The following NRG3 variants were observed in gnomAD, a reference collection of about 807,000 sequenced individuals.
The protein encoded by NRG3 is neuregulin 3, also known as pro-neuregulin-3, membrane-bound isoform.
Under a neutral mutation model 66.9 loss-of-function variants are expected in NRG3, and 31 were observed. That is an observed-to-expected ratio of 0.46 (90% CI 0.35 to 0.63). The LOEUF is 0.63. NRG3 is among the 20% of genes least tolerant of loss of function. NRG3 has a pLI of 0.00. For synonymous variants in NRG3, 393 were observed against 359.4 expected (o/e 1.09, Z -1.06); for missense variants, 910 against 878.9 (o/e 1.04, Z -0.45).
At chr10:82,471,085 G>T (rs539009298) in intron 2 of NRG3, among the ~76,000 whole-genome samples, 3 of 152,080 alleles carry the variant, frequency 2.0e-5, no homozygotes, top group Non-Finnish European at 4.4e-5. Context: ...AGCTAAAAAC[G>T]GGATCCTTGT....
intron 2 of NRG3, among the ~76,000 whole-genome samples, chr10:82,362,351 G>GTGTGTGTGTT (rs1427936153): frequency 5.4e-5 from 8 of 147,508 alleles, no homozygotes; most frequent in African/African-American, 2.0e-4. Context: ...GTGTGTGTGT[G>GTGTGTGTGTT]TGTGTGTGTG....
At chr10:81,957,755 A>T (rs1849979461) in intron 1 of NRG3, among the ~76,000 whole-genome samples, 1 of 152,232 alleles carries the variant, frequency 6.6e-6, no homozygotes, top group African/African-American at 2.4e-5. Context: ...CCACTTGATA[A>T]ATGATTCAAC....
chr10:81,947,387 G>A (rs1030024075), intron 1 of NRG3, among the ~76,000 whole-genome samples: 2 of 152,074 alleles, frequency 1.3e-5, no homozygotes, highest in Non-Finnish European at 2.9e-5. Flanking sequence ...TCTTTTTGGA[G>A]GTACACAATT....
intron 2 of NRG3, among the ~76,000 whole-genome samples, chr10:82,662,284 G>C (rs534070735): frequency 6.6e-6 from 1 of 151,910 alleles, no homozygotes; most frequent in South Asian, 2.1e-4. Context: ...GCTTTGGACT[G>C]TTTGTCCACC....
chr10:82,319,453 T>C (rs937358823), intron 1 of NRG3, among the ~76,000 whole-genome samples: 3 of 152,248 alleles, frequency 2.0e-5, no homozygotes, highest in African/African-American at 7.2e-5. Flanking sequence ...CCTAGAGGCA[T>C]GCAATTTGCA....
intron 1 of NRG3, among the ~76,000 whole-genome samples, chr10:82,081,756 C>T (rs889155080): frequency 1.3e-5 from 2 of 152,120 alleles, no homozygotes; most frequent in Non-Finnish European, 2.9e-5. Flanking sequence ...GCAGTGGGGC[C>T]ATTTCTCCGC....
At chr10:81,958,580 G>T (rs963226182) in intron 1 of NRG3, among the ~76,000 whole-genome samples, 1 of 152,122 alleles carries the variant, frequency 6.6e-6, no homozygotes, top group African/African-American at 2.4e-5. Context: ...ACTCATATGC[G>T]TAAAGTACAG....
At chr10:82,469,382 A>G (rs1841010542) in intron 2 of NRG3, among the ~76,000 whole-genome samples, 1 of 152,174 alleles carries the variant, frequency 6.6e-6, no homozygotes, top group Non-Finnish European at 1.5e-5. Flanking sequence ...GTAGAAAGTT[A>G]AAGAAGGACC....
chr10:82,774,037 G>A (rs2059809108), intron 3 of NRG3, among the ~76,000 whole-genome samples: 1 of 152,130 alleles, frequency 6.6e-6, no homozygotes, highest in Admixed American at 6.6e-5. Context: ...GGCTTTGCAT[G>A]CCAGGGATAT....
chr10:82,277,843 G>A (rs1031137983), intron 1 of NRG3, among the ~76,000 whole-genome samples: 29 of 152,062 alleles, frequency 1.9e-4, no homozygotes, highest in African/African-American at 7.0e-4. Context: ...CAGAATTCCA[G>A]GAAGTGGCAT....
intron 1 of NRG3, among the ~76,000 whole-genome samples, chr10:81,949,583 C>T (rs1288851585): frequency 6.6e-6 from 1 of 152,024 alleles, no homozygotes; most frequent in South Asian, 2.1e-4. Flanking sequence ...TTGTATCTGG[C>T]AAATGGGTAA....
intron 2 of NRG3, among the ~76,000 whole-genome samples, chr10:82,434,279 G>A (rs1376568453): frequency 6.6e-6 from 1 of 152,066 alleles, no homozygotes; most frequent in Non-Finnish European, 1.5e-5. Flanking sequence ...GAATGCTTGT[G>A]ATTTTTGCAC....
intron 1 of NRG3, among the ~76,000 whole-genome samples, chr10:82,351,900 C>T (rs2083457638): frequency 6.6e-6 from 1 of 152,202 alleles, no homozygotes; most frequent in African/African-American, 2.4e-5. Flanking sequence ...TACCGTCCTC[C>T]AGCATATTGG....
rs571834614 is a variant in NRG3, at chr10:82,085,958, G to A, written c.823+209795G>A. Among the ~76,000 whole-genome samples, 49 of 152,108 alleles carry A rather than the reference G, an allele frequency of 3.2e-4. No homozygotes were observed. In the East Asian group the frequency reaches 7.6e-3, roughly 23 times the overall value. Reference sequence around the variant, plus strand: ...TGACCATCCCATTTACCTCTTAGGGGTCCCACCTCTTAGCACTGTTGCACT... The same window carrying A: ...TGACCATCCCATTTACCTCTTAGGGATCCCACCTCTTAGCACTGTTGCACT... On this transcript the variant is annotated intron_variant, in intron 1 of 8. Coordinates refer to ENST00000372141, the MANE Select transcript of NRG3 (RefSeq NM_001010848.4).
chr10:82,476,508 G>A (rs780460103), intron 2 of NRG3, among the ~76,000 whole-genome samples: 111 of 152,140 alleles, frequency 7.3e-4, no homozygotes, highest in Non-Finnish European at 1.3e-3. Context: ...ATACACAATG[G>A]AATATTGTTC....
chr10:82,710,222 A>G (rs1287196193), intron 2 of NRG3, among the ~76,000 whole-genome samples: 1 of 152,194 alleles, frequency 6.6e-6, no homozygotes, highest in Non-Finnish European at 1.5e-5. Context: ...CACACTAATC[A>G]TTGTTTTATA....
chr10:81,909,994 A>G (rs1054397672), intron 1 of NRG3, among the ~76,000 whole-genome samples: 1 of 152,154 alleles, frequency 6.6e-6, no homozygotes, highest in Non-Finnish European at 1.5e-5. Flanking sequence ...ATATTGAAGG[A>G]ATGATTTTGC....
intron 1 of NRG3, among the ~76,000 whole-genome samples, chr10:82,256,173 C>T (rs112460291): frequency 6.6e-5 from 10 of 152,150 alleles, no homozygotes; most frequent in African/African-American, 1.2e-4. Flanking sequence ...CCACCTGCCT[C>T]GGCCTCCTAA....
At chr10:82,078,830 C>T (rs1482993734) in intron 1 of NRG3, among the ~76,000 whole-genome samples, 1 of 152,122 alleles carries the variant, frequency 6.6e-6, no homozygotes, top group Admixed American at 6.5e-5. Flanking sequence ...TTAAGTTGCA[C>T]AGAACATCCC....
Sources: gnomAD v4.1 joint callset for allele counts (sites outside exome capture counted in the v4.1 genomes callset) on GRCh38, gnomAD v4.1.1 for gene constraint, MANE v1.5 for transcripts, NCBI Gene and HGNC (gene_info 2026-07-23, HGNC 2026-07-21) for gene names.